SYNE1: variants seen among roughly 807,000 people sequenced by gnomAD.
The protein encoded by SYNE1 is nesprin-1.
In SYNE1, 616 loss-of-function variants were observed where a neutral mutation model predicts 1,111.0. That is an observed-to-expected ratio of 0.55 (90% CI 0.52 to 0.59). SYNE1 has a LOEUF of 0.59. Ranked by LOEUF, SYNE1 falls within the 20% of genes least tolerant of loss-of-function variation. SYNE1 has a pLI of 0.00. For synonymous variants in SYNE1, 3,855 were observed against 3,825.8 expected (o/e 1.01, Z -0.28); for missense variants, 10,006 against 10,417.0 (o/e 0.96, Z 1.72).
At chr6:152,458,993 G>A (rs1259069208) in intron 21 of SYNE1, 63 bp from the exon 22 acceptor site, 8 of 1,421,356 alleles carry the variant, frequency 5.6e-6, no homozygotes, top group Admixed American at 3.4e-5. Context: ...CTCAGGGAAC[G>A]TTCATAGCTC....
intron 130 of SYNE1, among the ~76,000 whole-genome samples, chr6:152,170,511 T>C (rs1242007143): frequency 3.3e-5 from 5 of 152,174 alleles, no homozygotes; most frequent in African/African-American, 1.2e-4. Flanking sequence ...TCTTGATTAG[T>C]TCTGTGCTGT....
intron 11 of SYNE1, among the ~76,000 whole-genome samples, chr6:152,496,055 T>G (rs2098997697): frequency 6.6e-6 from 1 of 152,194 alleles, no homozygotes; most frequent in Admixed American, 6.5e-5. Flanking sequence ...GGTCTCTTCT[T>G]CTGTGACTCC....
rs774710342 is a variant in SYNE1 at position 152,354,814 on chromosome 6, T to A, written c.10771A>T (p.Thr3591Ser). 1.9e-6 allele frequency: 3 copies of A among 1,614,184 alleles called. No individual in the cohort carries two copies. Among genetic ancestry groups the A allele is most frequent in the East Asian group, 2.2e-5 (1 of 44,880 alleles). The stretch of plus-strand genomic sequence containing the variant: ...TTGTTCACCACGTTATTGAACTGAG[T>A]TCGAGTCTCGGACAGCCTGTGCTGG... ...AYQHRLSETR[T>S]QFNNVVNKLR... Residue 3591 changes from threonine (T) to serine (S), a missense_variant, in exon 67 of 146, where the codon ACT becomes TCT. Around this residue, in one of 7 missense-constraint regions of SYNE1, gnomAD observed 4,955 missense variants for 5,017.2 expected, o/e 0.99. Transcript: ENST00000367255.
At chr6:152,398,772 GA>G (rs1362799295) in intron 48 of SYNE1, 41 bp from the exon 49 acceptor site, 1 of 1,526,750 alleles carries the variant, frequency 6.5e-7, no homozygotes, top group South Asian at 1.2e-5. Context: ...TAAAAAATCA[GA>G]AGCAAATCCA....
chr6:152,329,677 G>A (rs117418600), intron 78 of SYNE1, 53 bp downstream of exon 78: 37,709 of 1,612,992 alleles, frequency 0.023, 516 homozygotes, highest in Non-Finnish European at 0.027. Flanking sequence ...TCTTGTACCT[G>A]TTTACAAATA....
At chr6:152,192,354 G>A (rs1246020100) in intron 127 of SYNE1, among the ~76,000 whole-genome samples, 1 of 152,124 alleles carries the variant, frequency 6.6e-6, no homozygotes, top group Non-Finnish European at 1.5e-5. Flanking sequence ...GTTGAAGACT[G>A]CAGCTATTAT....
chr6:152,500,062 T>C lies in SYNE1; in HGVS notation c.889-1270A>G, dbSNP rs2099021015. Among the ~76,000 whole-genome samples, 3 of 152,212 alleles carry C rather than the reference T, an allele frequency of 2.0e-5. 1 individual carries two copies. The South Asian group carries it at 6.2e-4, about 32-fold the overall frequency. ...CTTCCAGCCACTCAGTTTACTAATC[T>C]GGAGAGATGATTAATGTCAGAGACT... On this transcript the variant is annotated intron_variant, in intron 10 of 145. Transcript: ENST00000367255.
At chr6:152,142,132 A>G (rs984601335) in intron 138 of SYNE1, among the ~76,000 whole-genome samples, 7 of 152,220 alleles carry the variant, frequency 4.6e-5, no homozygotes, top group Non-Finnish European at 1.0e-4. Flanking sequence ...AACAGGTGAT[A>G]CATTCACATA....
At chr6:152,631,707 G>T (rs1285512120) in intron 2 of SYNE1, among the ~76,000 whole-genome samples, 1 of 152,086 alleles carries the variant, frequency 6.6e-6, no homozygotes, top group Non-Finnish European at 1.5e-5. Flanking sequence ...TGTAAGACTT[G>T]GTGATTGGTC....
chr6:152,501,433 C>G (rs1217048602), intron 10 of SYNE1, among the ~76,000 whole-genome samples: 4 of 152,046 alleles, frequency 2.6e-5, no homozygotes, highest in Non-Finnish European at 5.9e-5. Flanking sequence ...CTAGGAATTC[C>G]ACTTCTAAAG....
Position 152,449,551 on chromosome 6 carries a change from C to T in SYNE1, c.3486G>A (p.Glu1162=). The T allele has an allele frequency of 6.2e-7, 1 of 1,614,044 alleles. No individual in the cohort carries two copies. The highest frequency in any genetic ancestry group is 8.5e-7 in the Non-Finnish European group (1 of 1,179,918). Residue 1162 remains glutamate (E), a synonymous_variant, in exon 28 of 146, where the codon GAG becomes GAA. Coordinates refer to ENST00000367255, the MANE Select transcript of SYNE1 (RefSeq NM_182961.4). The part of the protein sequence containing the change: ...GEAIDTANHG[E]VKRAVEEIRN... ...AACTTACTTCAACGGCACGTTTAAC[C>T]TCTCCGTGGTTGGCAGTATCGATGG...
In SYNE1 at chr6:152,352,648, C is replaced by A. The variant is rs1050558444; in HGVS notation, c.11254-295G>T. On this transcript the variant is annotated intron_variant, in intron 69 of 145. Coordinates refer to ENST00000367255, the MANE Select transcript of SYNE1 (RefSeq NM_182961.4). ...TGAACTTCTGACCTCAAGCAATCCA[C>A]CCACCTCAGCCTCCCAAAGTGCTGG... is the stretch of plus-strand genomic sequence containing the variant. Among the ~76,000 whole-genome samples, 4 of 152,294 alleles carry A rather than the reference C, an allele frequency of 2.6e-5. No individual in the cohort carries two copies. In the East Asian group the frequency reaches 7.7e-4, roughly 29 times the overall value.
At chr6:152,279,873 A>G (rs966997998) in intron 97 of SYNE1, among the ~76,000 whole-genome samples, 1 of 152,214 alleles carries the variant, frequency 6.6e-6, no homozygotes, top group African/African-American at 2.4e-5. Flanking sequence ...TTTTACCATT[A>G]GGCACAGCAA....
intron 110 of SYNE1, among the ~76,000 whole-genome samples, chr6:152,235,239 A>T (rs2083728909): frequency 6.6e-6 from 1 of 152,136 alleles, no homozygotes; most frequent in Non-Finnish European, 1.5e-5. Context: ...GTGATATCTC[A>T]GACACAGTGA....
Position 152,310,756 on chromosome 6 carries a change from C to G in SYNE1, c.16828G>C (p.Gly5610Arg). Residue 5610 changes from glycine (G) to arginine (R), a missense_variant, in exon 88 of 146, where the codon GGA becomes CGA. Gly to Arg is a moderately radical substitution (Grantham distance 125). This residue lies in a region of SYNE1 where 4,955 missense variants were observed against 5,017.2 expected (regional missense o/e 0.99). Coordinates refer to ENST00000367255, the MANE Select transcript of SYNE1 (RefSeq NM_182961.4). ...EKMSQQVAELGRETEELRQMI... is the reference protein window; with the variant it reads ...EKMSQQVAELRRETEELRQMI... The stretch of plus-strand genomic sequence containing the variant: ...TGTCGCAACTCCTCAGTCTCCCGTC[C>G]CAGTTCTGCCACTTGCTGAGACATT... The G allele has an allele frequency of 6.2e-7, 1 of 1,614,040 alleles. No homozygotes were observed. Among genetic ancestry groups the G allele is most frequent in the African/African-American group, 1.3e-5 (1 of 74,988 alleles).
Position 152,122,306 on chromosome 6 carries a change from G to T in SYNE1, c.*130C>A. 2 of 1,448,104 alleles carry T rather than the reference G, an allele frequency of 1.4e-6. No individual in the cohort carries two copies. The highest frequency in any genetic ancestry group is 1.9e-6 in the Non-Finnish European group (2 of 1,036,914). The allele number at this position is 1,448,104 out of a possible 1,614,324, so 89.7% of individuals were successfully genotyped here. A position where few individuals can be genotyped will look rare whatever the true frequency, so the allele number is the denominator to read the frequency against. ...GCCATAATTTGCACACATGTGATCT[G>T]GAGGAGGGCTAAAGCTGCCACACCG... On this transcript the variant is annotated 3_prime_UTR_variant, in exon 146 of 146. Transcript: ENST00000367255.
Position 152,122,101 on chromosome 6 carries a change from AC to A in SYNE1, c.*334del. ...CATGGGAAAGCTGCCCAGATGGTCT[AC>A]TGAAGTCCTTGGCTGTGCACAGAAT... is the stretch of plus-strand genomic sequence containing the variant. On this transcript the variant is annotated 3_prime_UTR_variant, in exon 146 of 146. Transcript: ENST00000367255. 3 of 380,050 alleles carry A rather than the reference AC, an allele frequency of 7.9e-6. No individual in the cohort carries two copies. Among genetic ancestry groups the A allele is most frequent in the Admixed American group, 3.8e-5 (1 of 26,306 alleles). 23.5% of individuals were successfully genotyped at this position (380,050 alleles called of 1,614,324 possible).
At position 152,256,664 on chromosome 6, in the gene SYNE1, C is replaced by A; in HGVS notation, c.19074G>T (p.Leu6358=). ...KSAVTSLLDG[L]NQAFEEVSSQ... is the part of the protein sequence containing the mutation. Reference sequence around the variant, plus strand: ...ATGAAACCTCCTCGAAGGCTTGGTTCAGTCCATCCAGCAAAGATGTAACTG... The same window carrying A: ...ATGAAACCTCCTCGAAGGCTTGGTTAAGTCCATCCAGCAAAGATGTAACTG... Residue 6358 remains leucine, a synonymous_variant, in exon 102 of 146, where the codon CTG becomes CTT. Coordinates refer to ENST00000367255, the MANE Select transcript of SYNE1 (RefSeq NM_182961.4). The A allele has an allele frequency of 6.2e-7, 1 of 1,613,882 alleles. No individual in the cohort carries two copies. The highest frequency in any genetic ancestry group is 1.1e-5 in the South Asian group (1 of 91,062).
At chr6:152,299,845 T>G (rs889645797) in intron 93 of SYNE1, among the ~76,000 whole-genome samples, 20 of 152,210 alleles carry the variant, frequency 1.3e-4, no homozygotes, top group African/African-American at 4.6e-4. Flanking sequence ...ACATATCAAC[T>G]TCTTTGAAAA....
Sources: allele counts gnomAD v4.1 joint callset (sites outside exome capture counted in the v4.1 genomes callset), GRCh38; gene constraint gnomAD v4.1.1; regional missense constraint gnomAD v4.1.1; transcripts MANE v1.5; gene names NCBI Gene and HGNC (gene_info 2026-07-23, HGNC 2026-07-21).